Variants in PMF1 observed in about 807,000 individuals in gnomAD.
PMF1 encodes the protein polyamine modulated factor 1, also known as polyamine-modulated factor 1.
In PMF1, 21 loss-of-function variants were observed where a neutral mutation model predicts 26.7. The ratio of observed to expected loss-of-function variants is 0.79; its 90% CI spans 0.56 to 1.13. The LOEUF is 1.13. Among genes scored for constraint, PMF1 ranks in the 50% most tolerant of loss-of-function variants. The probability of loss-of-function intolerance (pLI) is 0.00; values close to 1 mark genes in which losing one functional copy is unlikely to be tolerated. For missense variants in PMF1, 266 were observed against 254.9 expected, an observed-to-expected ratio of 1.04 and a Z score of -0.30; for synonymous variants, 105 against 101.0, an observed-to-expected ratio of 1.04 and a Z score of -0.24.
chr1:156,228,207 C>T (rs570162893), intron 1 of PMF1, among the ~76,000 whole-genome samples: 44 of 146,306 alleles, frequency 3.0e-4, no homozygotes, highest in African/African-American at 8.6e-4. Flanking sequence ...CTGCCCGCCT[C>T]GGCCTCCCAA....
At chr1:156,232,188 C>T in intron 1 of PMF1, 132 bp from the exon 2 acceptor site, 1 of 758,032 alleles carries the variant, frequency 1.3e-6, no homozygotes, top group Non-Finnish European at 2.3e-6. Flanking sequence ...GATTTGCATC[C>T]ACTGGCTTTA....
chr1:156,237,042 T>C (rs1005403142), intron 4 of PMF1: 1 of 153,608 alleles, frequency 6.5e-6, no homozygotes, highest in African/African-American at 2.4e-5. Context: ...GTATTTATCA[T>C]TTCTATGTGT....
intron 1 of PMF1, 117 bp from the exon 2 acceptor site, chr1:156,232,203 G>A (rs1158554996): frequency 4.6e-6 from 4 of 863,522 alleles, no homozygotes; most frequent in Non-Finnish European, 7.6e-6. Flanking sequence ...GCTTTAACCA[G>A]GGCCATGAAG....
intron 1 of PMF1, among the ~76,000 whole-genome samples, chr1:156,215,190 G>T (rs1657637768): frequency 6.6e-6 from 1 of 151,860 alleles, no homozygotes; most frequent in Admixed American, 6.6e-5. Context: ...CCACCTTTTT[G>T]AAGAATTACA....
At chr1:156,236,934 T>TC (rs1659055329) in intron 4 of PMF1, 1 of 168,088 alleles carries the variant, frequency 5.9e-6, no homozygotes, top group Non-Finnish European at 1.3e-5. Flanking sequence ...AATTGATACA[T>TC]CATATTTTAC....
intron 1 of PMF1, chr1:156,220,609 T>C (rs1658028175): frequency 6.6e-6 from 1 of 152,120 alleles, no homozygotes; most frequent in South Asian, 2.1e-4. Context: ...TGCTAAATAC[T>C]TTGGAGATAT....
rs775120364 is a variant in PMF1, at chr1:156,236,294, C to T, written c.375C>T (p.Pro125=). The T allele has an allele frequency of 3.7e-6, 6 of 1,607,634 alleles. No individual in the cohort carries two copies. The highest frequency in any genetic ancestry group is 1.3e-5 in the African/African-American group (1 of 74,812). The change falls in exon 4 of 5, where the codon CCC becomes CCT. Residue 125 remains proline, a synonymous_variant. Coordinates refer to ENST00000368277, the MANE Select transcript of PMF1 (RefSeq NM_007221.4). ...GKVRKEPAWR[P]SGIPEKDLHS... Reference sequence around the variant, plus strand: ...GCCCCGTGTGGCCCTCCAGGCGCCCCAGCGGGATCCCAGAGAAGGATCTGC... The same window carrying T: ...GCCCCGTGTGGCCCTCCAGGCGCCCTAGCGGGATCCCAGAGAAGGATCTGC...
At chr1:156,226,893 G>C (rs932020924) in intron 1 of PMF1, among the ~76,000 whole-genome samples, 1 of 152,184 alleles carries the variant, frequency 6.6e-6, no homozygotes, top group Non-Finnish European at 1.5e-5. Flanking sequence ...TTGGAGGCCA[G>C]GGCCAAGAGA....
chr1:156,217,294 A>G (rs1316069829), intron 1 of PMF1, among the ~76,000 whole-genome samples: 3 of 151,460 alleles, frequency 2.0e-5, no homozygotes, highest in Admixed American at 2.0e-4. Context: ...GGTCAGGGTG[A>G]GGAGGAGGTT....
chr1:156,229,122 A>C (rs758069621), intron 1 of PMF1, among the ~76,000 whole-genome samples: 47 of 151,958 alleles, frequency 3.1e-4, no homozygotes, highest in Non-Finnish European at 6.6e-4. Context: ...GTTAGCCAGG[A>C]TGGTCTCCAT....
At chr1:156,217,571 C>G (rs1278116758) in intron 1 of PMF1, among the ~76,000 whole-genome samples, 4 of 151,982 alleles carry the variant, frequency 2.6e-5, no homozygotes, top group Admixed American at 2.6e-4. Flanking sequence ...ACTAAAAATA[C>G]AAAAATTAAC....
intron 1 of PMF1, among the ~76,000 whole-genome samples, chr1:156,229,110 A>G (rs897095816): frequency 6.6e-5 from 10 of 152,006 alleles, no homozygotes; most frequent in African/African-American, 1.7e-4. Flanking sequence ...GGGTTTCACC[A>G]TGTTAGCCAG....
At chr1:156,226,803 A>G (rs970969444) in intron 1 of PMF1, among the ~76,000 whole-genome samples, 2 of 152,238 alleles carry the variant, frequency 1.3e-5, no homozygotes, top group African/African-American at 4.8e-5. Flanking sequence ...GAATCCAGGG[A>G]AAATGACAGG....
chr1:156,230,337 G>A (rs796379324), intron 1 of PMF1, among the ~76,000 whole-genome samples: 18 of 152,336 alleles, frequency 1.2e-4, no homozygotes, highest in African/African-American at 3.8e-4. Context: ...AAAGAAGATC[G>A]TTGATACACT....
chr1:156,236,582 C>G, intron 4 of PMF1, 99 bp downstream of exon 4: 1 of 1,451,120 alleles, frequency 6.9e-7, no homozygotes, highest in Non-Finnish European at 9.2e-7. Flanking sequence ...GGGACCCCCA[C>G]AGGGGGTAGG....
chr1:156,234,387 G>C (rs757494683), intron 3 of PMF1, among the ~76,000 whole-genome samples: 1 of 152,158 alleles, frequency 6.6e-6, no homozygotes. Context: ...AGGCAGAATC[G>C]TGAGGTTTGG....
chr1:156,239,935 G>A lies in PMF1; in HGVS notation c.*334G>A, dbSNP rs1177421746. On this transcript the variant is annotated 3_prime_UTR_variant, in exon 5 of 5. Coordinates refer to ENST00000368277, the MANE Select transcript of PMF1 (RefSeq NM_007221.4). ...CAGCCCTTTTCCCTGGCCCTGGCTTGGAGAATCTGTTTTCAATCTCCACTG... is the reference window on the plus strand; with the variant it reads ...CAGCCCTTTTCCCTGGCCCTGGCTTAGAGAATCTGTTTTCAATCTCCACTG... 5 of 310,588 alleles carry A rather than the reference G, an allele frequency of 1.6e-5. No individual in the cohort carries two copies. Among genetic ancestry groups the A allele is most frequent in the Non-Finnish European group, 2.4e-5 (4 of 167,158 alleles). 19.2% of individuals were successfully genotyped at this position (310,588 alleles called of 1,614,324 possible).
chr1:156,232,402 G>A lies in PMF1; in HGVS notation c.244G>A (p.Ala82Thr). 1 of 1,613,944 alleles carries A rather than the reference G, an allele frequency of 6.2e-7. No homozygotes were observed. The highest frequency in any genetic ancestry group is 2.2e-5 in the East Asian group (1 of 44,866). ...MTQQIYDKFI[A>T]QLQTSIREEI... Reference sequence around the variant, plus strand: ...ACAGCAAATCTATGACAAGTTTATAGCTCAGTTGCAGACATCTATCCGGGT... The same window carrying A: ...ACAGCAAATCTATGACAAGTTTATAACTCAGTTGCAGACATCTATCCGGGT... Residue 82 changes from alanine to threonine, a missense_variant, in exon 2 of 5, where the codon GCT becomes ACT. Physicochemically the swap from Ala to Thr is moderately conservative, Grantham distance 58. Coordinates refer to ENST00000368277, the MANE Select transcript of PMF1 (RefSeq NM_007221.4).
chr1:156,217,052 G>A (rs1471019676), intron 1 of PMF1, among the ~76,000 whole-genome samples: 1 of 151,378 alleles, frequency 6.6e-6, no homozygotes, highest in Non-Finnish European at 1.5e-5. Flanking sequence ...ATGGACACAT[G>A]AAGGGGAATA....
Sources: allele counts gnomAD v4.1 joint callset (sites outside exome capture counted in the v4.1 genomes callset), GRCh38; gene constraint gnomAD v4.1.1; transcripts MANE v1.5; gene names NCBI Gene and HGNC (gene_info 2026-07-23, HGNC 2026-07-21).